Variants in CHD6 observed in about 807,000 individuals in gnomAD.
CHD6 encodes the protein ATP-dependent chromatin remodeler CHD6.
A neutral mutation model predicts 276.9 loss-of-function variants in CHD6; 50 were observed. The ratio of observed to expected loss-of-function variants is 0.18; its 90% confidence interval spans 0.14 to 0.23. CHD6 has a LOEUF of 0.23. Ranked by LOEUF, CHD6 falls within the 10% of genes least tolerant of loss-of-function variation. CHD6 has a pLI of 1.00. For missense variants in CHD6, 2,564 were observed against 3,365.8 expected (o/e 0.76, Z 5.89); for synonymous variants, 1,173 against 1,229.3 (o/e 0.95, Z 0.96).
At chr20:41,454,584 A>G (rs906514712) in intron 20 of CHD6, 42 bp downstream of exon 20, 5 of 1,437,260 alleles carry the variant, frequency 3.5e-6, no homozygotes, top group South Asian at 1.2e-5. Context: ...CATGTATGAC[A>G]TAAGTGAATG....
chr20:41,481,693 A>C (rs1348378552), intron 16 of CHD6, among the ~76,000 whole-genome samples: 1 of 152,116 alleles, frequency 6.6e-6, no homozygotes, highest in East Asian at 1.9e-4. Flanking sequence ...CATTTATCCT[A>C]AAGAAATAAT....
chr20:41,511,753 G>T (rs1463201105), intron 5 of CHD6, among the ~76,000 whole-genome samples: 1 of 151,994 alleles, frequency 6.6e-6, no homozygotes, highest in Non-Finnish European at 1.5e-5. Context: ...CAGTTTCTGG[G>T]GTTTTATAAA....
intron 10 of CHD6, among the ~76,000 whole-genome samples, chr20:41,492,516 T>A (rs1200260506): frequency 6.6e-6 from 1 of 152,226 alleles, no homozygotes; most frequent in Non-Finnish European, 1.5e-5. Flanking sequence ...AGGAACTGGA[T>A]AACAGTTTTT....
chr20:41,571,153 T>C (rs2045411419), intron 1 of CHD6, among the ~76,000 whole-genome samples: 1 of 152,032 alleles, frequency 6.6e-6, no homozygotes, highest in Admixed American at 6.6e-5. Flanking sequence ...TTGTCAGCTG[T>C]GAGAAGGATA....
intron 7 of CHD6, 112 bp downstream of exon 7, chr20:41,498,056 G>GAC: frequency 2.7e-6 from 2 of 751,574 alleles, no homozygotes; most frequent in Non-Finnish European, 4.6e-6. Flanking sequence ...AGACCTGTGG[G>GAC]TCATGCCTTA....
chr20:41,482,487 G>A (rs1302269358), intron 16 of CHD6: 4 of 491,302 alleles, frequency 8.1e-6, no homozygotes, highest in Non-Finnish European at 1.2e-5. Context: ...CAAACAGAAT[G>A]TTAAAGAATA....
intron 2 of CHD6, among the ~76,000 whole-genome samples, chr20:41,550,560 C>G (rs1251651579): frequency 6.6e-6 from 1 of 152,132 alleles, no homozygotes; most frequent in Admixed American, 6.5e-5. Flanking sequence ...AGTGGCTAGT[C>G]TCACCCAACC....
At chr20:41,617,166 G>A (rs1211563269) in intron 1 of CHD6, among the ~76,000 whole-genome samples, 1 of 152,106 alleles carries the variant, frequency 6.6e-6, no homozygotes, top group Non-Finnish European at 1.5e-5. Context: ...TTTTCAGGGG[G>A]TGGGAAATAA....
chr20:41,589,041 T>G (rs1478755083), intron 1 of CHD6, among the ~76,000 whole-genome samples: 1 of 152,160 alleles, frequency 6.6e-6, no homozygotes, highest in Non-Finnish European at 1.5e-5. Flanking sequence ...GCTTCATCCC[T>G]GGGATGCAAG....
At chr20:41,511,653 C>T (rs2044121732) in intron 5 of CHD6, among the ~76,000 whole-genome samples, 1 of 152,182 alleles carries the variant, frequency 6.6e-6, no homozygotes, top group African/African-American at 2.4e-5. Context: ...GCTCCTATCT[C>T]TCAGTCCTCC....
At chr20:41,450,177 G>C (rs1201782021) in intron 23 of CHD6, among the ~76,000 whole-genome samples, 1 of 152,190 alleles carries the variant, frequency 6.6e-6, no homozygotes, top group East Asian at 1.9e-4. Flanking sequence ...TTAAGAAGAT[G>C]TTATAGGGAG....
At chr20:41,437,946 A>G (rs1403432554) in intron 26 of CHD6, among the ~76,000 whole-genome samples, 1 of 152,232 alleles carries the variant, frequency 6.6e-6, no homozygotes, top group East Asian at 1.9e-4. Context: ...ATGAGGCTCC[A>G]GCCTCACGTC....
At chr20:41,564,080 A>T (rs745330017) in intron 1 of CHD6, 2 of 779,248 alleles carry the variant, frequency 2.6e-6, no homozygotes, top group Non-Finnish European at 4.8e-6. Context: ...AACTTATTTG[A>T]TCTCCCTGGG....
chr20:41,422,124 G>C, intron 30 of CHD6, 45 bp from the exon 31 acceptor site: 2 of 1,552,384 alleles, frequency 1.3e-6, no homozygotes, highest in Non-Finnish European at 1.7e-6. Flanking sequence ...GGTGACCTCA[G>C]ACACTCCCCG....
intron 1 of CHD6, among the ~76,000 whole-genome samples, chr20:41,591,876 G>A (rs2045665389): frequency 1.3e-5 from 2 of 152,188 alleles, no homozygotes; most frequent in African/African-American, 4.8e-5. Context: ...AAGGCAGGCA[G>A]ATCACAAGGT....
chr20:41,447,878 T>C lies in CHD6; in HGVS notation c.3773+4A>G, dbSNP rs762804670. The C allele has an allele frequency of 1.9e-6, 3 of 1,600,496 alleles. No homozygotes were observed. Among genetic ancestry groups the C allele is most frequent in the Non-Finnish European group, 2.6e-6 (3 of 1,170,546 alleles). On this transcript the variant is annotated splice_donor_region_variant and intron_variant, in intron 24 of 36. Transcript: ENST00000373233. ...GTTGATATGTTAAGTTTCATTTGCT[T>C]TACCTGGCAGGAGATCCTTCAAATG...
intron 17 of CHD6, among the ~76,000 whole-genome samples, chr20:41,469,725 ACATATT>A (rs893008184): frequency 4.3e-4 from 65 of 152,332 alleles, no homozygotes; most frequent in African/African-American, 1.4e-3. Context: ...GCGAATACAG[ACATATT>A]CAAGGTTTGA....
intron 15 of CHD6, among the ~76,000 whole-genome samples, 163 bp from the exon 16 acceptor site, chr20:41,483,682 A>T (rs942259583): frequency 1.3e-5 from 2 of 152,160 alleles, no homozygotes; most frequent in African/African-American, 2.4e-5. Flanking sequence ...CCTTCAGCAG[A>T]GGGCTCTGCA....
chr20:41,415,725 C>T, intron 33 of CHD6, 87 bp from the exon 34 acceptor site: 1 of 994,788 alleles, frequency 1.0e-6, no homozygotes, highest in East Asian at 2.4e-5. Flanking sequence ...TTTCCCTAGG[C>T]CTCATATTGT....
Sources: gnomAD v4.1 joint callset for allele counts (sites outside exome capture counted in the v4.1 genomes callset) on GRCh38, gnomAD v4.1.1 for gene constraint, MANE v1.5 for transcripts, NCBI Gene and HGNC (gene_info 2026-07-23, HGNC 2026-07-21) for gene names.